The following RUFY3 variants were observed in gnomAD, a reference collection of about 807,000 sequenced individuals.
RUFY3 encodes the protein RUN and FYVE domain containing 3.
RUFY3 carries 34 observed loss-of-function variants against 84.0 expected under a neutral mutation model. The observed-to-expected ratio is 0.40, with a 90% CI of 0.31 to 0.54. RUFY3 has a LOEUF of 0.54. Ranked by LOEUF, RUFY3 falls within the 20% of genes least tolerant of loss-of-function variation. The probability of loss-of-function intolerance (pLI) is 0.39; values close to 1 mark genes in which losing one functional copy is unlikely to be tolerated. For missense variants in RUFY3, 507 were observed against 736.8 expected (o/e 0.69, Z 3.61); for synonymous variants, 242 against 252.9 (o/e 0.96, Z 0.41).
At chr4:70,717,656 G>T (rs776747851), upstream of RUFY3, among the ~76,000 whole-genome samples, 4 of 151,930 alleles carry the variant, frequency 2.6e-5, no homozygotes, top group Non-Finnish European at 4.4e-5. Flanking sequence ...AACATCCGGG[G>T]ATGAGGAAGA....
chr4:70,803,090 T>A, intron 16 of RUFY3, 107 bp downstream of exon 16: 1 of 754,760 alleles, frequency 1.3e-6, no homozygotes. Flanking sequence ...GTGAATACAG[T>A]GTGCCATCCT....
At chr4:70,797,460 A>G (rs1731668807) in intron 14 of RUFY3, among the ~76,000 whole-genome samples, 1 of 152,176 alleles carries the variant, frequency 6.6e-6, no homozygotes, top group Non-Finnish European at 1.5e-5. Flanking sequence ...AAATTTCTAG[A>G]GAGTGAGCTG....
At chr4:70,755,951 GA>G (rs112202020) in intron 1 of RUFY3, among the ~76,000 whole-genome samples, 11,361 of 124,768 alleles carry the variant, frequency 0.091, 666 homozygotes, top group East Asian at 0.23. Context: ...ATTCTGTCTC[GA>G]AAAAAAAAAA....
rs1325181305 is a variant in RUFY3 at position 70,722,480 on chromosome 4, GT to G, written c.-87del. On this transcript the variant is annotated 5_prime_UTR_variant, in exon 1 of 18. Transcript: ENST00000381006. ...GCTTTGTTTCAGAGCTTTGTATTGG[GT>G]TTTTTTGGTGAGGAGGTTGTATTTA... The G allele has an allele frequency of 6.2e-6, 9 of 1,446,538 alleles. No homozygotes were observed. The highest frequency in any genetic ancestry group is 2.3e-5 in the Admixed American group (1 of 43,682). The allele number at this position is 1,446,538 out of a possible 1,614,324, so 89.6% of individuals were successfully genotyped here.
intron 1 of RUFY3, among the ~76,000 whole-genome samples, chr4:70,711,281 A>G (rs1456830187): frequency 3.9e-5 from 6 of 152,082 alleles, no homozygotes; most frequent in Non-Finnish European, 7.4e-5. Flanking sequence ...TAATCAGTTC[A>G]CCTGCTGTAT....
intron 12 of RUFY3, 156 bp downstream of exon 12, chr4:70,789,748 T>C: frequency 7.6e-7 from 1 of 1,312,812 alleles, no homozygotes; most frequent in South Asian, 1.8e-5. Flanking sequence ...TTATGTGTGT[T>C]TTCTAAGGTA....
At chr4:70,732,776 G>A (rs1719500038) in intron 1 of RUFY3, among the ~76,000 whole-genome samples, 1 of 151,932 alleles carries the variant, frequency 6.6e-6, no homozygotes, top group Non-Finnish European at 1.5e-5. Context: ...GGGGCTGGGG[G>A]GAGGGATAGC....
chr4:70,716,446 G>A (rs559696856), intron 1 of RUFY3, among the ~76,000 whole-genome samples: 12 of 152,124 alleles, frequency 7.9e-5, no homozygotes, highest in East Asian at 1.9e-4. Flanking sequence ...GCGCCCTGCC[G>A]AATCAGAAAT....
At chr4:70,762,390 A>T in intron 1 of RUFY3, 129 bp from the exon 2 acceptor site, 1 of 724,596 alleles carries the variant, frequency 1.4e-6, no homozygotes, top group Non-Finnish European at 2.3e-6. Context: ...TTCATTGAGG[A>T]TATTCTTAAA....
At chr4:70,727,354 CTTTT>C (rs762253929) in intron 1 of RUFY3, among the ~76,000 whole-genome samples, 3 of 118,248 alleles carry the variant, frequency 2.5e-5, no homozygotes, top group Admixed American at 8.6e-5. Flanking sequence ...AAAGTAATAA[CTTTT>C]TTTTTTTTTT....
chr4:70,780,695 T>C (rs1728767706), intron 8 of RUFY3, among the ~76,000 whole-genome samples: 1 of 152,222 alleles, frequency 6.6e-6, no homozygotes. Flanking sequence ...ATGAGATTGC[T>C]GTGTGAATGA....
upstream of RUFY3, among the ~76,000 whole-genome samples, chr4:70,720,798 A>G (rs1027723564): frequency 6.6e-6 from 1 of 151,700 alleles, no homozygotes; most frequent in Admixed American, 6.6e-5. Flanking sequence ...GAAAATTCTT[A>G]TTCTTCTCTT....
intron 1 of RUFY3, chr4:70,734,648 G>A (rs575061712): frequency 9.1e-6 from 7 of 765,484 alleles, no homozygotes; most frequent in African/African-American, 1.9e-5. Flanking sequence ...ATCTGGGTGA[G>A]AAATATCAGT....
At chr4:70,753,640 A>T (rs1723493120) in intron 1 of RUFY3, among the ~76,000 whole-genome samples, 2 of 152,306 alleles carry the variant, frequency 1.3e-5, no homozygotes, top group South Asian at 4.1e-4. Context: ...TTTCCTGGTT[A>T]TGCCAGTGTT....
At chr4:70,721,304 AAAG>A (rs1350384261), upstream of RUFY3, among the ~76,000 whole-genome samples, 35 of 151,316 alleles carry the variant, frequency 2.3e-4, no homozygotes, top group Non-Finnish European at 2.9e-5. Flanking sequence ...AAAAAAGAAA[AAAG>A]AAAAAAAAAG....
intron 1 of RUFY3, among the ~76,000 whole-genome samples, 193 bp from the exon 2 acceptor site, chr4:70,762,324 AAG>A (rs1725174069): frequency 6.6e-6 from 1 of 152,216 alleles, no homozygotes; most frequent in South Asian, 2.1e-4. Flanking sequence ...CAAAGAAAAA[AAG>A]AAAGAAAAGA....
At chr4:70,718,384 A>C (rs753157034), upstream of RUFY3, among the ~76,000 whole-genome samples, 17 of 152,168 alleles carry the variant, frequency 1.1e-4, no homozygotes, top group Non-Finnish European at 1.6e-4. Context: ...TTTGCTTTGA[A>C]TCCATCATAA....
intron 1 of RUFY3, among the ~76,000 whole-genome samples, chr4:70,731,599 G>C (rs534874447): frequency 6.6e-6 from 1 of 151,866 alleles, no homozygotes; most frequent in Non-Finnish European, 1.5e-5. Flanking sequence ...ACAGAGTTTC[G>C]TTCTGTTGCC....
At chr4:70,733,548 C>T (rs909813421) in intron 1 of RUFY3, among the ~76,000 whole-genome samples, 1 of 152,262 alleles carries the variant, frequency 6.6e-6, no homozygotes, top group South Asian at 2.1e-4. Context: ...ATATTTATCA[C>T]GGTATTCTGA....
Sources: allele counts gnomAD v4.1 joint callset (sites outside exome capture counted in the v4.1 genomes callset), GRCh38; gene constraint gnomAD v4.1.1; transcripts MANE v1.5; gene names NCBI Gene and HGNC (gene_info 2026-07-23, HGNC 2026-07-21).